PRKN: variants seen among roughly 807,000 people sequenced by gnomAD.
PRKN encodes the protein parkin RBR E3 ubiquitin protein ligase, also known as E3 ubiquitin-protein ligase parkin.
In PRKN, 56 loss-of-function variants were observed where a neutral mutation model predicts 59.5. The observed-to-expected ratio is 0.94, with a 90% confidence interval of 0.76 to 1.18. The LOEUF (loss-of-function observed/expected upper bound fraction) is 1.18. Among genes scored for constraint, PRKN ranks in the 50% most tolerant of loss-of-function variants. The pLI is 0.00. For missense variants in PRKN, 657 were observed against 596.4 expected (o/e 1.10, Z -1.06); for synonymous variants, 250 against 222.1 (o/e 1.13, Z -1.12).
At chr6:161,914,091 A>G (rs1486244368) in intron 6 of PRKN, among the ~76,000 whole-genome samples, 1 of 152,246 alleles carries the variant, frequency 6.6e-6, no homozygotes, top group East Asian at 1.9e-4. Flanking sequence ...GGCTAGAACA[A>G]AGATGCTCAT....
chr6:161,965,393 G>A (rs531795469), intron 6 of PRKN, among the ~76,000 whole-genome samples: 3 of 152,146 alleles, frequency 2.0e-5, no homozygotes, highest in South Asian at 4.2e-4. Context: ...CATGTGTCTC[G>A]AAGGTTAATT....
In PRKN at chr6:162,625,990, G is replaced by A. The variant is rs550268607; in HGVS notation, c.7+101672C>T. Among the ~76,000 whole-genome samples, 118 of 152,194 alleles carry A rather than the reference G, an allele frequency of 7.8e-4. No homozygotes were observed. The Middle Eastern group carries it at 0.01, about 13-fold the overall frequency. The stretch of plus-strand genomic sequence containing the variant: ...GGCAGACCTTGACTTACGCTAACTC[G>A]ACATATCTTGACTAATGAATGACTT... On this transcript the variant is annotated intron_variant, in intron 1 of 11. Coordinates refer to ENST00000366898, the MANE Select transcript of PRKN (RefSeq NM_004562.3).
chr6:161,477,243 C>T (rs1242842371), intron 9 of PRKN, among the ~76,000 whole-genome samples: 5 of 152,194 alleles, frequency 3.3e-5, no homozygotes, highest in Admixed American at 6.5e-5. Flanking sequence ...CTTGGCCAGG[C>T]GCGGTGGCTC....
At chr6:161,611,244 G>A (rs1218780595) in intron 7 of PRKN, among the ~76,000 whole-genome samples, 2 of 152,186 alleles carry the variant, frequency 1.3e-5, no homozygotes, top group African/African-American at 2.4e-5. Flanking sequence ...TATGCAGGGC[G>A]AGCTTGAGCT....
At chr6:162,643,412 A>AAAAAG (rs71784410) in intron 1 of PRKN, among the ~76,000 whole-genome samples, 18,454 of 135,684 alleles carry the variant, frequency 0.14, 2,302 homozygotes, top group East Asian at 0.37. Context: ...AAAAAAAAAA[A>AAAAAG]AAAGAAAGAA....
At chr6:162,713,009 T>A (rs1426236867) in intron 1 of PRKN, among the ~76,000 whole-genome samples, 1 of 152,176 alleles carries the variant, frequency 6.6e-6, no homozygotes, top group Non-Finnish European at 1.5e-5. Context: ...ACTAAGTATA[T>A]GAGATGCTGT....
At position 161,962,596 on chromosome 6, in the gene PRKN, G is replaced by A. The variant is rs1298288903; in HGVS notation, c.734+10706C>T. 3.3e-5 allele frequency among the ~76,000 whole-genome samples: 5 copies of A among 150,848 alleles called. No homozygotes were observed. In the East Asian group the frequency reaches 1.0e-3, roughly 30 times the overall value. ...CGCTCTGTCATCCAGGCTGGCAGTG[G>A]CACAATCTCGGCTCACTGCAACCTC... On this transcript the variant is annotated intron_variant, in intron 6 of 11. Transcript: ENST00000366898.
At chr6:162,478,687 A>C (rs1306443542) in intron 1 of PRKN, among the ~76,000 whole-genome samples, 1 of 152,208 alleles carries the variant, frequency 6.6e-6, no homozygotes, top group Non-Finnish European at 1.5e-5. Flanking sequence ...AGGGACTTAC[A>C]TAAACCCAGA....
At chr6:161,602,559 T>C (rs1782145489) in intron 7 of PRKN, among the ~76,000 whole-genome samples, 1 of 152,210 alleles carries the variant, frequency 6.6e-6, no homozygotes, top group South Asian at 2.1e-4. Flanking sequence ...AATATTTTAA[T>C]GTGAGAGAGA....
intron 7 of PRKN, among the ~76,000 whole-genome samples, chr6:161,610,180 C>T (rs918094719): frequency 6.6e-6 from 1 of 152,094 alleles, no homozygotes; most frequent in Non-Finnish European, 1.5e-5. Flanking sequence ...ATTACTAACA[C>T]TGTCCCTGTG....
intron 2 of PRKN, among the ~76,000 whole-genome samples, chr6:162,359,487 G>A (rs1583437203): frequency 1.3e-5 from 2 of 151,724 alleles, no homozygotes; most frequent in East Asian, 3.9e-4. Context: ...TACTACAAGA[G>A]TTAATTTGCT....
chr6:161,795,910 C>T lies in PRKN; in HGVS notation c.735-10002G>A, dbSNP rs919527052. ...TAAGATCAGGGAACCATGCTGTATA[C>T]GGTATTTTCATACTGTCTTCTCAGG... On this transcript the variant is annotated intron_variant, in intron 6 of 11. Transcript: ENST00000366898. Among the ~76,000 whole-genome samples the T allele has an allele frequency of 1.2e-4, 19 of 152,164 alleles. No homozygotes were observed. The East Asian group carries it at 1.9e-3, about 15-fold the overall frequency.
At chr6:161,658,453 A>G (rs917170610) in intron 7 of PRKN, among the ~76,000 whole-genome samples, 1 of 152,346 alleles carries the variant, frequency 6.6e-6, no homozygotes, top group South Asian at 2.1e-4. Context: ...ATCTTTGAAA[A>G]GTCAACCAGT....
chr6:162,464,644 T>C (rs1791331363), intron 1 of PRKN, among the ~76,000 whole-genome samples: 1 of 132,010 alleles, frequency 7.6e-6, no homozygotes, highest in African/African-American at 2.9e-5. Flanking sequence ...TGATAACCCA[T>C]CTCTACTAAA....
At chr6:161,945,081 T>G (rs1003010321) in intron 6 of PRKN, among the ~76,000 whole-genome samples, 2 of 150,230 alleles carry the variant, frequency 1.3e-5, no homozygotes, top group African/African-American at 4.9e-5. Flanking sequence ...ATATCAAGAT[T>G]GACTTTAAAG....
intron 2 of PRKN, among the ~76,000 whole-genome samples, chr6:162,272,451 T>C (rs967749787): frequency 6.6e-6 from 1 of 152,080 alleles, no homozygotes; most frequent in African/African-American, 2.4e-5. Flanking sequence ...TAAATTAATG[T>C]TTTTAAAGCC....
chr6:162,461,968 G>A (rs375430063), intron 1 of PRKN, among the ~76,000 whole-genome samples: 1 of 152,184 alleles, frequency 6.6e-6, no homozygotes, highest in East Asian at 1.9e-4. Flanking sequence ...ATTGCTACAG[G>A]TTAAAGACAC....
At chr6:161,709,798 A>C (rs2128181934) in intron 7 of PRKN, among the ~76,000 whole-genome samples, 1 of 152,336 alleles carries the variant, frequency 6.6e-6, no homozygotes, top group Non-Finnish European at 1.5e-5. Context: ...TTCTATATGT[A>C]AAACATCTAA....
At chr6:161,827,542 A>C (rs4286747) in intron 6 of PRKN, among the ~76,000 whole-genome samples, 93,741 of 142,454 alleles carry the variant, frequency 0.66, 31,067 homozygotes, top group Middle Eastern at 0.75. Flanking sequence ...CAGAGTCTCA[A>C]TCTGTCACCC....
Sources: allele counts gnomAD v4.1 joint callset (sites outside exome capture counted in the v4.1 genomes callset), GRCh38; gene constraint gnomAD v4.1.1; transcripts MANE v1.5; gene names NCBI Gene and HGNC (gene_info 2026-07-23, HGNC 2026-07-21).